The following TACO1 variants were observed in gnomAD, a reference collection of about 807,000 sequenced individuals.
The protein encoded by TACO1 is translational activator of cytochrome c oxidase I, also known as translational activator of cytochrome c oxidase 1.
TACO1 carries 13 observed loss-of-function variants against 24.0 expected under a neutral mutation model. That is an observed-to-expected ratio of 0.54 (90% CI 0.35 to 0.86). The LOEUF is 0.86. TACO1 is among the 40% of genes least tolerant of loss of function. The probability of loss-of-function intolerance (pLI) is 0.01; values close to 1 mark genes in which losing one functional copy is unlikely to be tolerated. For missense variants in TACO1, 352 were observed against 380.1 expected, an observed-to-expected ratio of 0.93 and a Z score of 0.61; for synonymous variants, 149 against 153.5, an observed-to-expected ratio of 0.97 and a Z score of 0.22.
chr17:63,602,279 A>G (rs867516424), intron 1 of TACO1, among the ~76,000 whole-genome samples: 4 of 150,654 alleles, frequency 2.7e-5, no homozygotes, highest in African/African-American at 9.8e-5. Context: ...AAAAAAAAAA[A>G]AAGAGAGAGA....
Position 63,607,952 on chromosome 17 carries a change from G to T in TACO1, c.844G>T (p.Ala282Ser). The T allele has an allele frequency of 6.2e-7, 1 of 1,614,160 alleles. No individual in the cohort carries two copies. The highest frequency in any genetic ancestry group is 8.5e-7 in the Non-Finnish European group (1 of 1,180,036). ...GGAACAGGCCGCACATCTCATTCAG[G>T]CTCTCAGCAACCACGAGGATGTGAT... ...DLEQAAHLIQ[A>S]LSNHEDVIHV... is the part of the protein sequence containing the mutation. Residue 282 changes from alanine to serine, a missense_variant, in exon 5 of 5, where the codon GCT becomes TCT. By Grantham distance (99) the Ala-to-Ser change is moderately conservative. Transcript: ENST00000258975.
chr17:63,606,804 C>A, intron 3 of TACO1: 1 of 366,450 alleles, frequency 2.7e-6, no homozygotes, highest in Non-Finnish European at 5.2e-6. Context: ...CTGCCTCAGC[C>A]TCCCAAAGTG....
intron 3 of TACO1, chr17:63,607,004 A>C: frequency 2.0e-6 from 1 of 508,978 alleles, no homozygotes. Context: ...CCTAAGTCTT[A>C]AAATGCTCCA....
rs2033817810 is a variant in TACO1, at chr17:63,601,190, A to C, written c.107A>C (p.His36Pro). The change falls in exon 1 of 5, where the codon CAC (histidine) becomes CCC (proline). Residue 36 changes from histidine (H) to proline (P), a missense_variant. By Grantham distance (77) the His-to-Pro change is moderately conservative (BLOSUM62 -2). Transcript: ENST00000258975. ...AAPPRDPRPSHPEPRGCGAAP... is the reference protein window; with the variant it reads ...AAPPRDPRPSPPEPRGCGAAP... ...CCTCCGCGCGACCCCCGGCCCTCCC[A>C]CCCCGAGCCCCGGGGCTGCGGTGCC... is the stretch of plus-strand genomic sequence containing the variant. 1.3e-6 allele frequency: 2 copies of C among 1,556,934 alleles called. No individual in the cohort carries two copies. Among genetic ancestry groups the C allele is most frequent in the Non-Finnish European group, 1.7e-6 (2 of 1,151,516 alleles).
chr17:63,603,281 C>T (rs1017936364), intron 1 of TACO1, among the ~76,000 whole-genome samples: 1 of 151,960 alleles, frequency 6.6e-6, no homozygotes, highest in Non-Finnish European at 1.5e-5. Context: ...AATTATTATG[C>T]ACAAAGTAGT....
intron 1 of TACO1, among the ~76,000 whole-genome samples, chr17:63,602,104 A>AC (rs1393455677): frequency 6.6e-6 from 1 of 150,626 alleles, no homozygotes; most frequent in Non-Finnish European, 1.5e-5. Context: ...AAAAAAAAAA[A>AC]AAAAAAACAG....
intron 1 of TACO1, among the ~76,000 whole-genome samples, chr17:63,603,552 A>G (rs1052043228): frequency 2.6e-5 from 4 of 152,004 alleles, no homozygotes; most frequent in Non-Finnish European, 4.4e-5. Context: ...CTAAAAATAC[A>G]AAAATTAGCT....
At chr17:63,601,993 C>G (rs2033824882) in intron 1 of TACO1, among the ~76,000 whole-genome samples, 1 of 151,436 alleles carries the variant, frequency 6.6e-6, no homozygotes, top group African/African-American at 2.4e-5. Flanking sequence ...AGTGGCACAG[C>G]CTGTAATCCC....
chr17:63,608,086 G>A lies in TACO1; in HGVS notation c.*84G>A. The A allele has an allele frequency of 6.7e-7, 1 of 1,493,398 alleles. No individual in the cohort carries two copies. Among genetic ancestry groups the A allele is most frequent in the South Asian group, 1.2e-5 (1 of 86,334 alleles). The allele number at this position is 1,493,398 out of a possible 1,614,324, so 92.5% of individuals were successfully genotyped here. The stretch of plus-strand genomic sequence containing the variant: ...CAGGCTTCTGCAGCAATCTCTGAGG[G>A]TAAAGCCGGTGGGAGGCTCAGCAGG... On this transcript the variant is annotated 3_prime_UTR_variant, in exon 5 of 5. Transcript: ENST00000258975.
rs776211598 is a variant in TACO1 at position 63,607,471 on chromosome 17, A to G, written c.693+7A>G. ...AGAAAGGAACGTTTTTAAAGTAAGC[A>G]TGAAAACATGGGTGTTTGGTGGGCT... On this transcript the variant is annotated splice_region_variant and intron_variant, in intron 4 of 4. Transcript: ENST00000258975. 14 of 1,614,194 alleles carry G rather than the reference A, an allele frequency of 8.7e-6. No individual in the cohort carries two copies. The highest frequency in any genetic ancestry group is 1.1e-5 in the Non-Finnish European group (13 of 1,180,016).
In TACO1 at chr17:63,607,894, C is replaced by T. The variant is rs1248932478; in HGVS notation, c.786C>T (p.Pro262=). 6.2e-7 allele frequency: 1 copy of T among 1,614,216 alleles called. No homozygotes were observed. The highest frequency in any genetic ancestry group is 2.2e-5 in the East Asian group (1 of 44,884). Residue 262 remains proline, a synonymous_variant, in exon 5 of 5, where the codon CCC becomes CCT. Transcript: ENST00000258975. ...TGTCCTGTGCACTAGAGTTCATCCC[C>T]AACTCAAAGGTGCAGCTGGCTGAGC... ...CSVSCALEFI[P]NSKVQLAEPD...
chr17:63,608,091 G>T lies in TACO1; in HGVS notation c.*89G>T. 6.8e-7 allele frequency: 1 copy of T among 1,461,762 alleles called. No homozygotes were observed. The allele number at this position is 1,461,762 out of a possible 1,614,324, so 90.5% of individuals were successfully genotyped here. On this transcript the variant is annotated 3_prime_UTR_variant, in exon 5 of 5. Coordinates refer to ENST00000258975, the MANE Select transcript of TACO1 (RefSeq NM_016360.4). ...TTCTGCAGCAATCTCTGAGGGTAAA[G>T]CCGGTGGGAGGCTCAGCAGGCCAGG...
At position 63,607,913 on chromosome 17, in the gene TACO1, G is replaced by A. The variant is rs754794568; in HGVS notation, c.805G>A (p.Ala269Thr). The A allele has an allele frequency of 1.2e-6, 2 of 1,614,198 alleles. No individual in the cohort carries two copies. The highest frequency in any genetic ancestry group is 2.2e-5 in the East Asian group (1 of 44,882). ...CATCCCCAACTCAAAGGTGCAGCTG[G>A]CTGAGCCCGACCTGGAACAGGCCGC... ...EFIPNSKVQL[A>T]EPDLEQAAHL... Residue 269 changes from alanine to threonine, a missense_variant, in exon 5 of 5, where the codon GCT becomes ACT. Ala to Thr is a moderately conservative substitution (Grantham distance 58). Coordinates refer to ENST00000258975, the MANE Select transcript of TACO1 (RefSeq NM_016360.4).
chr17:63,601,039 C>T lies in TACO1; in HGVS notation c.-45C>T, dbSNP rs912043713. 6.5e-7 allele frequency: 1 copy of T among 1,533,846 alleles called. No homozygotes were observed. ...TCCGGCAGTGGAAGAGACGCGCCGG[C>T]GTTGGCCGCTGCTGCTAGCAGCTTG... On this transcript the variant is annotated 5_prime_UTR_variant, in exon 1 of 5. Coordinates refer to ENST00000258975, the MANE Select transcript of TACO1 (RefSeq NM_016360.4).
In TACO1 at chr17:63,604,547, C is replaced by A; in HGVS notation, c.294C>A (p.Asn98Lys). The A allele has an allele frequency of 6.2e-7, 1 of 1,614,016 alleles. No homozygotes were observed. Among genetic ancestry groups the A allele is most frequent in the Non-Finnish European group, 8.5e-7 (1 of 1,179,968 alleles). The change falls in exon 2 of 5, where the codon AAC becomes AAA. Residue 98 changes from asparagine to lysine, a missense_variant. Coordinates refer to ENST00000258975, the MANE Select transcript of TACO1 (RefSeq NM_016360.4). ...TTTAAATCTCAGAAGGAGGCCCCAA[C>A]CCTGAGCACAACAGCAACCTGGCCA... ...IRLAVKEGGP[N>K]PEHNSNLANI...
At chr17:63,604,511 T>A in intron 1 of TACO1, 23 bp from the exon 2 acceptor site, 1 of 1,599,986 alleles carries the variant, frequency 6.3e-7, no homozygotes, top group African/African-American at 1.3e-5. Flanking sequence ...TCACTCTTTT[T>A]TTTCTTTTTC....
rs765541464 is a variant in TACO1, at chr17:63,607,966, C to T, written c.858C>T (p.His286=). The T allele has an allele frequency of 5.6e-6, 9 of 1,614,198 alleles. No individual in the cohort carries two copies. The highest frequency in any genetic ancestry group is 4.5e-5 in the East Asian group (2 of 44,882). Reference sequence around the variant, plus strand: ...ATCTCATTCAGGCTCTCAGCAACCACGAGGATGTGATTCACGTCTATGATA... The same window carrying T: ...ATCTCATTCAGGCTCTCAGCAACCATGAGGATGTGATTCACGTCTATGATA... ...AAHLIQALSN[H]EDVIHVYDNI... is the part of the protein sequence containing the mutation. The change falls in exon 5 of 5, where the codon CAC becomes CAT. Residue 286 remains histidine, a synonymous_variant. Transcript: ENST00000258975.
intron 2 of TACO1, among the ~76,000 whole-genome samples, chr17:63,605,475 CTA>C (rs903935684): frequency 6.6e-5 from 10 of 152,148 alleles, no homozygotes; most frequent in East Asian, 3.8e-4. Flanking sequence ...GATAAAAACT[CTA>C]TGTGTGTTAT....
At chr17:63,606,826 CA>C in intron 3 of TACO1, 1 of 360,012 alleles carries the variant, frequency 2.8e-6, no homozygotes, top group East Asian at 7.1e-5. Context: ...TGGGAGCCAC[CA>C]TGCCTGGCCA....
Sources: gnomAD v4.1 joint callset for allele counts (sites outside exome capture counted in the v4.1 genomes callset) on GRCh38, gnomAD v4.1.1 for gene constraint, MANE v1.5 for transcripts, NCBI Gene and HGNC (gene_info 2026-07-23, HGNC 2026-07-21) for gene names.